Variants in ZNF800 observed in about 807,000 individuals in gnomAD.
ZNF800 encodes zinc finger protein 800.
Under a neutral mutation model 59.5 loss-of-function variants are expected in ZNF800, and 13 were observed. That is an observed-to-expected ratio of 0.22 (90% CI 0.14 to 0.35). The LOEUF (loss-of-function observed/expected upper bound fraction) is 0.35, where lower values mean the gene tolerates loss of function less well. Ranked by LOEUF, ZNF800 falls within the 10% of genes least tolerant of loss-of-function variation. ZNF800 has a pLI of 1.00. For synonymous variants in ZNF800, 266 were observed against 265.7 expected (o/e 1.00, Z -0.01); for missense variants, 621 against 783.7 (o/e 0.79, Z 2.48).
chr7:127,348,612 T>G (rs1436794166), intron 1 of ZNF800, among the ~76,000 whole-genome samples: 2 of 152,270 alleles, frequency 1.3e-5, no homozygotes, highest in Non-Finnish European at 2.9e-5. Context: ...ATTTGTACCA[T>G]GTGAGTGTAT....
intron 1 of ZNF800, chr7:127,349,885 T>C (rs1800138640): frequency 1.3e-5 from 2 of 152,232 alleles, no homozygotes; most frequent in African/African-American, 2.4e-5. Context: ...TCACTATTCA[T>C]ACAGTGATTT....
At chr7:127,362,090 C>G (rs1436559368) in intron 1 of ZNF800, 2 of 152,036 alleles carry the variant, frequency 1.3e-5, no homozygotes, top group Non-Finnish European at 2.9e-5. Context: ...ATTCCAAGGC[C>G]AAGCATAGAG....
chr7:127,386,236 G>A (rs1801136294), intron 2 of ZNF800, 81 bp from the exon 3 acceptor site: 1 of 789,120 alleles, frequency 1.3e-6, no homozygotes, highest in Admixed American at 2.2e-5. Context: ...TAAAACAATG[G>A]CTTTCTACAA....
chr7:127,373,149 T>C, intron 5 of ZNF800, 193 bp downstream of exon 5: 5 of 985,468 alleles, frequency 5.1e-6, no homozygotes, highest in Non-Finnish European at 6.0e-6. Flanking sequence ...AGTTAACTTT[T>C]GTTCCCAAGC....
At position 127,391,357 on chromosome 7, in the gene ZNF800, T is replaced by C. The variant is rs891628956; in HGVS notation, c.61+140A>G. On this transcript the variant is annotated intron_variant, in intron 2 of 5. Coordinates refer to ENST00000265827, the MANE Select transcript of ZNF800 (RefSeq NM_176814.5). ...CTCTTGTTTGTACAAGCTTTTAGCT[T>C]CATAACTGGCTTATGCTAGGGAATA... The C allele has an allele frequency of 3.1e-5, 25 of 802,448 alleles. No individual in the cohort carries two copies. In the Middle Eastern group the frequency reaches 7.0e-4, roughly 23 times the overall value. The allele number at this position is 802,448 out of a possible 1,614,324, so 49.7% of individuals were successfully genotyped here.
chr7:127,383,688 A>G (rs928119653), intron 3 of ZNF800, among the ~76,000 whole-genome samples: 1 of 152,184 alleles, frequency 6.6e-6, no homozygotes, highest in African/African-American at 2.4e-5. Context: ...ATTAACCAGA[A>G]ATGCAAGAGA....
chr7:127,374,249 GGAGGCATTTGCATGCAGTTAAATT>G lies in ZNF800; in HGVS notation c.1063_1086del (p.Asn355_Leu362del). 6.2e-7 allele frequency: 1 copy of G among 1,613,918 alleles called. No homozygotes were observed. The highest frequency in any genetic ancestry group is 8.5e-7 in the Non-Finnish European group (1 of 1,179,924). On this transcript the variant is annotated inframe_deletion, in exon 5 of 6. Coordinates refer to ENST00000265827, the MANE Select transcript of ZNF800 (RefSeq NM_176814.5). ...TGTGAACTATATTTCCTCTTGCAAA[GGAGGCATTTGCATGCAGTTAAATT>G]GTATTCAGCCTTTGAAGAAGACTTT...
At position 127,392,194 on chromosome 7, in the gene ZNF800, G is replaced by T; in HGVS notation, c.-193C>A. 1 of 394,926 alleles carries T rather than the reference G, an allele frequency of 2.5e-6. No homozygotes were observed. The highest frequency in any genetic ancestry group is 1.3e-4 in the South Asian group (1 of 7,824). The allele number at this position is 394,926 out of a possible 1,614,324, so 24.5% of individuals were successfully genotyped here. Reference sequence around the variant, plus strand: ...TCCGCTGACCACGCGGGGGAACCCGGACTCGGGCCCGACGCGCTCCCAAAG... The same window carrying T: ...TCCGCTGACCACGCGGGGGAACCCGTACTCGGGCCCGACGCGCTCCCAAAG... On this transcript the variant is annotated 5_prime_UTR_variant, in exon 1 of 6. Coordinates refer to ENST00000265827, the MANE Select transcript of ZNF800 (RefSeq NM_176814.5).
chr7:127,391,436 AAAG>A (rs930559664), intron 2 of ZNF800, 58 bp downstream of exon 2: 7 of 1,541,868 alleles, frequency 4.5e-6, no homozygotes, highest in Admixed American at 3.3e-5. Flanking sequence ...AGCTAGAAAA[AAAG>A]AGAAGGCAGA....
At chr7:127,369,141 A>C (rs941187596), downstream of ZNF800, among the ~76,000 whole-genome samples, 1 of 152,120 alleles carries the variant, frequency 6.6e-6, no homozygotes, top group African/African-American at 2.4e-5. Context: ...TCAAACTTAT[A>C]AAGTTGAAGA....
intron 3 of ZNF800, among the ~76,000 whole-genome samples, chr7:127,378,214 TACTATG>T (rs1800843196): frequency 6.6e-6 from 1 of 152,014 alleles, no homozygotes; most frequent in African/African-American, 2.4e-5. Flanking sequence ...GGAACCTAAG[TACTATG>T]AAAGAATATC....
At chr7:127,361,732 G>T (rs1800397233) in intron 1 of ZNF800, 1 of 151,428 alleles carries the variant, frequency 6.6e-6, no homozygotes, top group Non-Finnish European at 1.5e-5. Flanking sequence ...ATGAGTGAAT[G>T]GAATTATATG....
At chr7:127,356,785 T>G (rs901645727) in intron 1 of ZNF800, among the ~76,000 whole-genome samples, 13 of 151,724 alleles carry the variant, frequency 8.6e-5, no homozygotes, top group African/African-American at 2.9e-4. Context: ...GTGTGTGTTT[T>G]TTTTACTCTA....
chr7:127,356,789 T>C (rs1800280186), intron 1 of ZNF800, among the ~76,000 whole-genome samples: 1 of 151,952 alleles, frequency 6.6e-6, no homozygotes, highest in Non-Finnish European at 1.5e-5. Context: ...GTGTTTTTTT[T>C]ACTCTAGATC....
chr7:127,358,095 T>C (rs1247166700), intron 1 of ZNF800, among the ~76,000 whole-genome samples: 1 of 152,044 alleles, frequency 6.6e-6, no homozygotes, highest in Non-Finnish European at 1.5e-5. Flanking sequence ...CTAACCTGTA[T>C]ATTCTACTCC....
chr7:127,374,445 A>G lies in ZNF800; in HGVS notation c.891T>C (p.Ala297=), dbSNP rs1284301196. The change falls in exon 5 of 6, where the codon GCT becomes GCC. Residue 297 remains alanine (A), a synonymous_variant. Coordinates refer to ENST00000265827, the MANE Select transcript of ZNF800 (RefSeq NM_176814.5). ...AATGCCTCCTTACATTCGCTTTTGTAGCAAATGATTTACAACATACTGGAC... is the reference window on the plus strand; with the variant it reads ...AATGCCTCCTTACATTCGCTTTTGTGGCAAATGATTTACAACATACTGGAC... The part of the protein sequence containing the change: ...RSCPVCCKSF[A]TKANVRRHFD... 3 of 1,614,076 alleles carry G rather than the reference A, an allele frequency of 1.9e-6. No homozygotes were observed. The highest frequency in any genetic ancestry group is 2.5e-6 in the Non-Finnish European group (3 of 1,179,984).
At chr7:127,354,093 A>C (rs571222668) in intron 1 of ZNF800, among the ~76,000 whole-genome samples, 1 of 152,260 alleles carries the variant, frequency 6.6e-6, no homozygotes, top group South Asian at 2.1e-4. Context: ...ACACAGTACA[A>C]ATTTTTACAC....
rs199580574 is a variant in ZNF800 at position 127,374,026 on chromosome 7, G to A, written c.1310C>T (p.Ser437Leu). 39 of 1,613,470 alleles carry A rather than the reference G, an allele frequency of 2.4e-5. No homozygotes were observed. In the African/African-American group the frequency reaches 4.9e-4, roughly 20 times the overall value. Residue 437 changes from serine (S) to leucine (L), a missense_variant, in exon 5 of 6, where the codon TCA becomes TTA. By Grantham distance (145) the Ser-to-Leu change is moderately radical. Coordinates refer to ENST00000265827, the MANE Select transcript of ZNF800 (RefSeq NM_176814.5). ...PQNELKGTNH[S>L]NEKKNTPAAQ... ...TGCCGGTGTGTTCTTTTTTTCATTT[G>A]AATGATTTGTTCCCTTTAATTCATT...
Position 127,377,371 on chromosome 7 carries a change from C to CT in ZNF800, c.158-43dup. The CT allele has an allele frequency of 6.5e-7, 1 of 1,531,362 alleles. No homozygotes were observed. The highest frequency in any genetic ancestry group is 8.9e-7 in the Non-Finnish European group (1 of 1,128,480). 94.9% of individuals were successfully genotyped at this position (1,531,362 alleles called of 1,614,324 possible). On this transcript the variant is annotated intron_variant, in intron 3 of 5. Transcript: ENST00000265827. The surrounding 1 kb of genome is among the most constrained non-coding windows in gnomAD (Gnocchi z 4.7). ...AAGAAAAACTTAACACAAAAGGTAA[C>CT]TTTAACATGCACTTTTAAACTGGAC...
Sources: allele counts gnomAD v4.1 joint callset (sites outside exome capture counted in the v4.1 genomes callset), GRCh38; gene constraint gnomAD v4.1.1; non-coding constraint Gnocchi (gnomAD v3.1); transcripts MANE v1.5; gene names NCBI Gene and HGNC (gene_info 2026-07-23, HGNC 2026-07-21).